DGKB: variants seen among roughly 807,000 people sequenced by gnomAD.
DGKB encodes diacylglycerol kinase beta.
DGKB carries 67 observed loss-of-function variants against 114.3 expected under a neutral mutation model. That is an observed-to-expected ratio of 0.59 (90% CI 0.48 to 0.72). The LOEUF is 0.72. Ranked by LOEUF, DGKB falls within the 30% of genes least tolerant of loss-of-function variation. The probability of loss-of-function intolerance (pLI) is 0.00; values close to 1 mark genes in which losing one functional copy is unlikely to be tolerated. For missense variants in DGKB, 907 were observed against 975.2 expected, an observed-to-expected ratio of 0.93 and a Z score of 0.93; for synonymous variants, 398 against 323.1, an observed-to-expected ratio of 1.23 and a Z score of -2.49.
intron 22 of DGKB, among the ~76,000 whole-genome samples, chr7:14,340,412 G>A (rs533105215): frequency 6.6e-6 from 1 of 151,436 alleles, no homozygotes. Flanking sequence ...GTACTGGCTG[G>A]ATAATTAGAT....
At chr7:14,936,761 G>A (rs946060664) in intron 1 of DGKB, among the ~76,000 whole-genome samples, 4 of 151,926 alleles carry the variant, frequency 2.6e-5, no homozygotes, top group Admixed American at 6.6e-5. Context: ...ATCCTGCTGC[G>A]TTGTTTCTCA....
rs376522900 is a variant in DGKB, at chr7:14,189,418, A to G, written c.2123-11267T>C. ...ACAAATAATGTACTGCAGACAATCA[A>G]ATGAGAATGAGAAAATAAAGCTTAG... On this transcript the variant is annotated intron_variant, in intron 23 of 25. Coordinates refer to ENST00000402815, the MANE Select transcript of DGKB (RefSeq NM_001350709.2). Among the ~76,000 whole-genome samples, 6 of 152,266 alleles carry G rather than the reference A, an allele frequency of 3.9e-5. 1 individual carries two copies. In the South Asian group the frequency reaches 6.2e-4, roughly 16 times the overall value.
chr7:14,586,565 A>T (rs183891140), intron 17 of DGKB, among the ~76,000 whole-genome samples: 327 of 152,260 alleles, frequency 2.1e-3, no homozygotes, highest in African/African-American at 7.2e-3. Flanking sequence ...TAGCCTTCTA[A>T]TGGAAGAAGA....
intron 13 of DGKB, among the ~76,000 whole-genome samples, chr7:14,663,453 C>T (rs10279786): frequency 0.77 from 117,230 of 151,856 alleles, 45,675 homozygotes; most frequent in East Asian, 0.89. Flanking sequence ...AAGTCATTTG[C>T]CACCATTTTG....
intron 1 of DGKB, among the ~76,000 whole-genome samples, chr7:14,934,043 T>C (rs1785160845): frequency 6.6e-6 from 1 of 152,184 alleles, no homozygotes. Flanking sequence ...CAAAATACTA[T>C]GGGCCTGAAT....
rs34758174 is a variant in DGKB, at chr7:14,634,481, TACACACAC to T, written c.1135-4221_1135-4214del. Among the ~76,000 whole-genome samples the T allele has an allele frequency of 2.4e-3, 353 of 145,264 alleles. 1 individual carries two copies. Among genetic ancestry groups the T allele is most frequent in the African/African-American group, 6.2e-3 (245 of 39,814 alleles). On this transcript the variant is annotated intron_variant, in intron 13 of 25. Coordinates refer to ENST00000402815, the MANE Select transcript of DGKB (RefSeq NM_001350709.2). The stretch of plus-strand genomic sequence containing the variant: ...AGAAATCACTATATCTACAAAGTGA[TACACACAC>T]ACACACACACACACACACACACACA...
At chr7:14,423,885 T>TGG (rs1563154589) in intron 21 of DGKB, among the ~76,000 whole-genome samples, 5 of 152,134 alleles carry the variant, frequency 3.3e-5, no homozygotes, top group African/African-American at 1.2e-4. Flanking sequence ...TTCTTGTAGT[T>TGG]GCTCAGGCCC....
At chr7:14,846,475 G>A (rs2128148771) in intron 1 of DGKB, among the ~76,000 whole-genome samples, 1 of 152,284 alleles carries the variant, frequency 6.6e-6, no homozygotes, top group Admixed American at 6.5e-5. Context: ...CAAATACAGA[G>A]GCACAGCTAT....
chr7:14,770,430 C>T (rs536517701), intron 2 of DGKB, among the ~76,000 whole-genome samples: 1 of 152,250 alleles, frequency 6.6e-6, no homozygotes, highest in South Asian at 2.1e-4. Context: ...ACCATCACAA[C>T]TGCATTTGGT....
At chr7:14,613,205 T>G in intron 16 of DGKB, 135 bp downstream of exon 16, 1 of 599,772 alleles carries the variant, frequency 1.7e-6, no homozygotes, top group Non-Finnish European at 3.0e-6. Context: ...ATAAACATAT[T>G]AAATGCTAGC....
At chr7:14,766,603 A>G (rs1314172088) in intron 2 of DGKB, among the ~76,000 whole-genome samples, 1 of 151,924 alleles carries the variant, frequency 6.6e-6, no homozygotes, top group Non-Finnish European at 1.5e-5. Flanking sequence ...TAGGAAAGCA[A>G]TTATTTATGA....
In DGKB at chr7:14,323,482, G is replaced by A. The variant is rs61477211; in HGVS notation, c.2122+15033C>T. Among the ~76,000 whole-genome samples, 1,408 of 152,282 alleles carry A rather than the reference G, an allele frequency of 9.2e-3. 28 individuals carry two copies. The highest frequency in any genetic ancestry group is 0.074 in the East Asian group (383 of 5,176). On this transcript the variant is annotated intron_variant, in intron 23 of 25. Coordinates refer to ENST00000402815, the MANE Select transcript of DGKB (RefSeq NM_001350709.2). ...CATAGAGAGGGAGTAGGGAATCGGA[G>A]GAGATGGGGTGATATTTTAGACAGG...
At chr7:14,753,482 A>G (rs569687596) in intron 4 of DGKB, among the ~76,000 whole-genome samples, 29 of 152,256 alleles carry the variant, frequency 1.9e-4, no homozygotes, top group African/African-American at 6.7e-4. Context: ...TTTCCCCCAC[A>G]TATTCTATCA....
At position 14,154,902 on chromosome 7, in the gene DGKB, A is replaced by G. The variant is rs141398074; in HGVS notation, c.2305-5664T>C. Among the ~76,000 whole-genome samples, 1,405 of 149,874 alleles carry G rather than the reference A, an allele frequency of 9.4e-3. 23 individuals are homozygous for G. Among genetic ancestry groups the G allele is most frequent in the African/African-American group, 0.032 (1,328 of 40,882 alleles). On this transcript the variant is annotated intron_variant, in intron 25 of 25. Transcript: ENST00000402815. ...ACTATTTTGGTACCAACTTCTAAAT[A>G]CTTTTTAAAAATCCCTCTGCAGGTG...
intron 20 of DGKB, among the ~76,000 whole-genome samples, chr7:14,510,659 T>C (rs1426307847): frequency 6.6e-6 from 1 of 152,154 alleles, no homozygotes; most frequent in Non-Finnish European, 1.5e-5. Flanking sequence ...CTTAATAGCA[T>C]CTAGAATGGC....
chr7:14,829,611 G>C (rs1256438750), intron 2 of DGKB, among the ~76,000 whole-genome samples: 2 of 152,060 alleles, frequency 1.3e-5, no homozygotes, highest in Admixed American at 6.6e-5. Context: ...CTCCAAGATG[G>C]ATTCTTTGAG....
intron 2 of DGKB, among the ~76,000 whole-genome samples, chr7:14,834,162 T>A (rs973322265): frequency 1.3e-5 from 2 of 152,200 alleles, no homozygotes; most frequent in Non-Finnish European, 2.9e-5. Context: ...CAACTTAAGA[T>A]ACATAAGCCT....
chr7:14,155,206 T>G (rs1562486736), intron 25 of DGKB, among the ~76,000 whole-genome samples: 2 of 152,136 alleles, frequency 1.3e-5, no homozygotes, highest in Admixed American at 6.6e-5. Flanking sequence ...TCCCTTTTTC[T>G]AGGCCCCCAA....
At chr7:14,207,403 G>A (rs541298474) in intron 23 of DGKB, among the ~76,000 whole-genome samples, 6 of 152,012 alleles carry the variant, frequency 3.9e-5, no homozygotes, top group Non-Finnish European at 8.8e-5. Flanking sequence ...TGGCCAGGAT[G>A]GCATGGAGAC....
Sources: gnomAD v4.1 joint callset for allele counts (sites outside exome capture counted in the v4.1 genomes callset) on GRCh38, gnomAD v4.1.1 for gene constraint, MANE v1.5 for transcripts, NCBI Gene and HGNC (gene_info 2026-07-23, HGNC 2026-07-21) for gene names.